Variants in SCFD2 observed in about 807,000 individuals in gnomAD.
SCFD2 encodes the protein sec1 family domain containing 2.
Under a neutral mutation model 58.9 loss-of-function variants are expected in SCFD2, and 54 were observed. The observed-to-expected ratio is 0.92, with a 90% CI of 0.74 to 1.15. The LOEUF (loss-of-function observed/expected upper bound fraction) is 1.15, where lower values mean the gene tolerates loss of function less well. Ranked by LOEUF, SCFD2 falls within the 50% of genes most tolerant of loss-of-function variation. The probability of loss-of-function intolerance (pLI) is 0.00; values close to 1 mark genes in which losing one functional copy is unlikely to be tolerated. For synonymous variants in SCFD2, 321 were observed against 335.9 expected, an observed-to-expected ratio of 0.96 and a Z score of 0.49; for missense variants, 805 against 836.6, an observed-to-expected ratio of 0.96 and a Z score of 0.47.
intron 5 of SCFD2, among the ~76,000 whole-genome samples, chr4:53,096,890 T>A (rs1724654144): frequency 1.3e-5 from 2 of 152,176 alleles, no homozygotes. Context: ...TTAATTTTTG[T>A]ATAAGGTGTA....
In SCFD2 at chr4:53,267,552, T is replaced by C. The variant is rs1731028568; in HGVS notation, c.1311+6274A>G. 2.0e-5 allele frequency among the ~76,000 whole-genome samples: 3 copies of C among 152,200 alleles called. No individual in the cohort carries two copies. In the South Asian group the frequency reaches 6.2e-4, roughly 32 times the overall value. ...AGTAGGATTTTAGTATTTTAAATGT[T>C]TACTTCTTTTCCCCAATCTTATTTA... On this transcript the variant is annotated intron_variant, in intron 4 of 8. Coordinates refer to ENST00000401642, the MANE Select transcript of SCFD2 (RefSeq NM_152540.4).
chr4:53,329,755 G>A (rs1487471468), intron 2 of SCFD2, among the ~76,000 whole-genome samples: 1 of 151,412 alleles, frequency 6.6e-6, no homozygotes, highest in African/African-American at 2.4e-5. Context: ...GAATGACTTT[G>A]ACGAGCTGAG....
chr4:53,077,348 T>C (rs1724007582), intron 5 of SCFD2, among the ~76,000 whole-genome samples: 1 of 152,208 alleles, frequency 6.6e-6, no homozygotes, highest in African/African-American at 2.4e-5. Flanking sequence ...GAAATTCCAG[T>C]AATATTTATA....
At chr4:52,907,278 A>G (rs1188725812) in intron 7 of SCFD2, among the ~76,000 whole-genome samples, 179 bp downstream of exon 7, 1 of 152,236 alleles carries the variant, frequency 6.6e-6, no homozygotes, top group Admixed American at 6.5e-5. Context: ...AAGCTGTATG[A>G]CGCTAACAGG....
intron 3 of SCFD2, among the ~76,000 whole-genome samples, chr4:53,304,129 TTCTTTA>T (rs1732435338): frequency 1.3e-5 from 2 of 152,174 alleles, no homozygotes; most frequent in South Asian, 4.2e-4. Context: ...GAAAATTCTT[TTCTTTA>T]AGTATGTTAA....
chr4:53,332,307 T>C (rs1733506220), intron 2 of SCFD2, among the ~76,000 whole-genome samples: 1 of 151,768 alleles, frequency 6.6e-6, no homozygotes, highest in Non-Finnish European at 1.5e-5. Flanking sequence ...AAGAGAATTT[T>C]AGACCAATAG....
chr4:52,947,300 C>A (rs1479221890), intron 5 of SCFD2, among the ~76,000 whole-genome samples: 1 of 152,114 alleles, frequency 6.6e-6, no homozygotes, highest in Admixed American at 6.6e-5. Flanking sequence ...TTATTTAGAG[C>A]GAGCTCCGGC....
intron 5 of SCFD2, among the ~76,000 whole-genome samples, chr4:53,049,715 G>A (rs1723137129): frequency 6.6e-6 from 1 of 152,130 alleles, no homozygotes; most frequent in African/African-American, 2.4e-5. Flanking sequence ...GCCTGGTTCA[G>A]CCTCCTGCAC....
At chr4:53,345,845 G>C (rs759935901) in intron 2 of SCFD2, among the ~76,000 whole-genome samples, 5 of 150,974 alleles carry the variant, frequency 3.3e-5, no homozygotes, top group Non-Finnish European at 5.9e-5. Context: ...ACTATCACAA[G>C]GGCAGAAAAC....
At chr4:53,253,184 A>G (rs1441169518) in intron 4 of SCFD2, among the ~76,000 whole-genome samples, 1 of 152,250 alleles carries the variant, frequency 6.6e-6, no homozygotes, top group Non-Finnish European at 1.5e-5. Context: ...CAAAACCACA[A>G]TGAGATACTA....
intron 3 of SCFD2, among the ~76,000 whole-genome samples, chr4:53,279,860 A>C (rs1359418399): frequency 6.6e-6 from 1 of 152,164 alleles, no homozygotes; most frequent in Admixed American, 6.5e-5. Context: ...ACAGCCCCTT[A>C]TAAAACCATC....
intron 4 of SCFD2, among the ~76,000 whole-genome samples, chr4:53,262,174 C>T (rs1021613396): frequency 6.6e-6 from 1 of 152,144 alleles, no homozygotes; most frequent in Non-Finnish European, 1.5e-5. Context: ...CTGAAGACAG[C>T]AGAAACTTGG....
chr4:53,028,056 G>A (rs1218861034), intron 5 of SCFD2, among the ~76,000 whole-genome samples: 1 of 152,114 alleles, frequency 6.6e-6, no homozygotes. Flanking sequence ...AGACCAGCCT[G>A]GACAATATGG....
At chr4:52,951,914 T>C (rs1276781149) in intron 5 of SCFD2, among the ~76,000 whole-genome samples, 2 of 152,202 alleles carry the variant, frequency 1.3e-5, no homozygotes, top group African/African-American at 4.8e-5. Context: ...CAAAACTTAA[T>C]GGCGATGGAG....
At chr4:53,135,262 A>T (rs1725902030) in intron 5 of SCFD2, among the ~76,000 whole-genome samples, 1 of 152,234 alleles carries the variant, frequency 6.6e-6, no homozygotes, top group Non-Finnish European at 1.5e-5. Context: ...TAGAATAAAG[A>T]CTGGAAATTG....
At chr4:53,063,563 T>G (rs1723574923) in intron 5 of SCFD2, among the ~76,000 whole-genome samples, 1 of 152,078 alleles carries the variant, frequency 6.6e-6, no homozygotes, top group African/African-American at 2.4e-5. Flanking sequence ...AAAGTGAAGC[T>G]CAGATGCTGC....
chr4:53,070,792 T>C (rs1723792308), intron 5 of SCFD2, among the ~76,000 whole-genome samples: 2 of 152,088 alleles, frequency 1.3e-5, no homozygotes, highest in Admixed American at 1.3e-4. Flanking sequence ...TTCTTAGGTT[T>C]ATACATTAAA....
chr4:53,000,091 A>G (rs567590510), intron 5 of SCFD2, among the ~76,000 whole-genome samples: 1 of 152,202 alleles, frequency 6.6e-6, no homozygotes, highest in Non-Finnish European at 1.5e-5. Context: ...GATGCTCACT[A>G]AATGGTGGGA....
intron 4 of SCFD2, among the ~76,000 whole-genome samples, chr4:53,253,146 C>T (rs533014723): frequency 6.6e-6 from 1 of 152,346 alleles, no homozygotes; most frequent in South Asian, 2.1e-4. Flanking sequence ...AAATGCTCAT[C>T]ATCACTGGCC....
Sources: allele counts gnomAD v4.1 joint callset (sites outside exome capture counted in the v4.1 genomes callset), GRCh38; gene constraint gnomAD v4.1.1; transcripts MANE v1.5; gene names NCBI Gene and HGNC (gene_info 2026-07-23, HGNC 2026-07-21).